The following ZBBX variants were observed in gnomAD, a reference collection of about 807,000 sequenced individuals.
ZBBX encodes the protein zinc finger B-box domain containing, also known as zinc finger B-box domain-containing protein 1.
ZBBX carries 101 observed loss-of-function variants against 108.5 expected under a neutral mutation model. That is an observed-to-expected ratio of 0.93 (90% CI 0.79 to 1.10). The LOEUF is 1.10. Among genes scored for constraint, ZBBX ranks in the 50% least tolerant of loss-of-function variants. The pLI, the probability that ZBBX is intolerant of heterozygous loss-of-function variation, is 0.00. For missense variants in ZBBX, 1,009 were observed against 941.4 expected, an observed-to-expected ratio of 1.07 and a Z score of -0.94; for synonymous variants, 356 against 323.4, an observed-to-expected ratio of 1.10 and a Z score of -1.08.
At chr3:167,284,039 T>C (rs1035688982) in intron 19 of ZBBX, among the ~76,000 whole-genome samples, 9 of 152,116 alleles carry the variant, frequency 5.9e-5, no homozygotes, top group African/African-American at 1.9e-4. Context: ...GTACCAACTT[T>C]AGTGAAAATT....
chr3:167,216,447 C>T, the ZBBX span, among the ~76,000 whole-genome samples: 2 of 151,702 alleles, frequency 1.3e-5, no homozygotes, highest in African/African-American at 4.8e-5. Flanking sequence ...ATGAGAATTA[C>T]AAAACACTAC....
intron 17 of ZBBX, among the ~76,000 whole-genome samples, chr3:167,304,096 T>C (rs1733179837): frequency 6.6e-6 from 1 of 152,186 alleles, no homozygotes; most frequent in South Asian, 2.1e-4. Context: ...CCATACTGTC[T>C]TATTCTTAAG....
chr3:167,350,014 C>T (rs1054863644), intron 9 of ZBBX, among the ~76,000 whole-genome samples: 3 of 151,450 alleles, frequency 2.0e-5, no homozygotes, highest in African/African-American at 7.3e-5. Context: ...TAATAATGGG[C>T]AAAGATAAAT....
chr3:167,276,365 A>G (rs1237755607), intron 20 of ZBBX, among the ~76,000 whole-genome samples: 1 of 152,186 alleles, frequency 6.6e-6, no homozygotes, highest in East Asian at 1.9e-4. Context: ...AGAATGTATA[A>G]CTAGAATAAC....
At chr3:167,339,520 A>T (rs899889862) in intron 9 of ZBBX, among the ~76,000 whole-genome samples, 2 of 152,146 alleles carry the variant, frequency 1.3e-5, no homozygotes, top group Non-Finnish European at 2.9e-5. Flanking sequence ...TAGTGTTTTA[A>T]CTAGGATTTG....
intron 17 of ZBBX, among the ~76,000 whole-genome samples, chr3:167,300,342 T>C (rs1050933089): frequency 6.6e-6 from 1 of 152,074 alleles, no homozygotes; most frequent in African/African-American, 2.4e-5. Flanking sequence ...GGACTACCTT[T>C]AGTCTCACCT....
chr3:167,207,117 C>T, the ZBBX span, among the ~76,000 whole-genome samples: 1 of 152,072 alleles, frequency 6.6e-6, no homozygotes, highest in African/African-American at 2.4e-5. Context: ...GCAACAAAAA[C>T]AGACATAAAG....
chr3:167,398,414 T>C (rs903590285), intron 1 of ZBBX, among the ~76,000 whole-genome samples: 1 of 152,072 alleles, frequency 6.6e-6, no homozygotes, highest in African/African-American at 2.4e-5. Context: ...TATGCTTTTA[T>C]TATGGAAAAT....
upstream of ZBBX, among the ~76,000 whole-genome samples, chr3:167,384,994 G>A (rs1024630315): frequency 6.6e-6 from 1 of 152,016 alleles, no homozygotes; most frequent in African/African-American, 2.4e-5. Context: ...CAATTCACAT[G>A]ATGGAGTCTT....
intron 14 of ZBBX, 94 bp downstream of exon 14, chr3:167,316,911 A>G: frequency 1.5e-6 from 1 of 664,458 alleles, no homozygotes; most frequent in Non-Finnish European, 2.4e-6. Flanking sequence ...TAGTTATTTG[A>G]GAAATCTTAT....
chr3:167,339,541 T>C (rs1740169911), intron 9 of ZBBX, among the ~76,000 whole-genome samples: 1 of 152,152 alleles, frequency 6.6e-6, no homozygotes, highest in African/African-American at 2.4e-5. Context: ...TTAACTGTTT[T>C]TGTTTGGGTT....
At chr3:167,371,993 T>C (rs1746231465) in intron 4 of ZBBX, among the ~76,000 whole-genome samples, 1 of 152,108 alleles carries the variant, frequency 6.6e-6, no homozygotes, top group African/African-American at 2.4e-5. Flanking sequence ...GTGAGAGGAT[T>C]ACTTAAGGTC....
chr3:167,217,298 G>T, the ZBBX span, among the ~76,000 whole-genome samples: 2 of 151,910 alleles, frequency 1.3e-5, no homozygotes, highest in Admixed American at 6.6e-5. Flanking sequence ...TTAAAAACTG[G>T]GTAAAGAACA....
At chr3:167,356,466 G>A (rs1743590049) in intron 8 of ZBBX, among the ~76,000 whole-genome samples, 1 of 151,962 alleles carries the variant, frequency 6.6e-6, no homozygotes, top group Admixed American at 6.6e-5. Flanking sequence ...AAATGATTAT[G>A]GCTAAGTTCT....
chr3:167,374,917 C>T (rs911330951), intron 2 of ZBBX, among the ~76,000 whole-genome samples: 4 of 152,018 alleles, frequency 2.6e-5, no homozygotes, highest in Admixed American at 2.0e-4. Context: ...GGATAAGGGA[C>T]TAATGAATAG....
intron 2 of ZBBX, among the ~76,000 whole-genome samples, chr3:167,379,117 G>GA (rs1337897787): frequency 6.6e-6 from 1 of 151,834 alleles, no homozygotes; most frequent in Non-Finnish European, 1.5e-5. Context: ...CTACCCTACG[G>GA]AAAAAATTAA....
chr3:167,204,280 G>A, the ZBBX span, among the ~76,000 whole-genome samples: 1 of 115,542 alleles, frequency 8.7e-6, no homozygotes, highest in East Asian at 2.7e-4. Context: ...TAGGGTACAT[G>A]TGCACATTGT....
chr3:167,351,336 T>C (rs1577067901), intron 8 of ZBBX, among the ~76,000 whole-genome samples: 1 of 152,284 alleles, frequency 6.6e-6, no homozygotes, highest in East Asian at 1.9e-4. Flanking sequence ...AGATGGATGA[T>C]TAAATGCAGC....
chr3:167,276,980 T>C (rs1365099098), intron 20 of ZBBX, among the ~76,000 whole-genome samples: 4 of 152,232 alleles, frequency 2.6e-5, no homozygotes, highest in South Asian at 4.2e-4. Context: ...CAGAATTTCA[T>C]ATCCAGCCAA....
Sources: allele counts gnomAD v4.1 joint callset (sites outside exome capture counted in the v4.1 genomes callset), GRCh38; gene constraint gnomAD v4.1.1; transcripts MANE v1.5; gene names NCBI Gene and HGNC (gene_info 2026-07-23, HGNC 2026-07-21).